PVT1: variants seen among roughly 807,000 people sequenced by gnomAD.
PVT1 encodes CXCR4/PVT1 fusion.
chr8:127,809,969 C>T (rs901892656), intron 2 of PVT1, among the ~76,000 whole-genome samples: 9 of 152,252 alleles, frequency 5.9e-5, no homozygotes, highest in African/African-American at 2.2e-4. Context: ...CAGACCCAGC[C>T]GGTGGAGACC....
intron 5 of PVT1, among the ~76,000 whole-genome samples, chr8:128,071,523 A>T (rs1309929554): frequency 1.5e-5 from 2 of 135,568 alleles, no homozygotes; most frequent in African/African-American, 2.6e-5. Flanking sequence ...CTCTATAAAA[A>T]TTTTTAAAAA....
intron 5 of PVT1, among the ~76,000 whole-genome samples, chr8:128,087,713 ACC>A (rs1814276180): frequency 6.9e-6 from 1 of 145,018 alleles, no homozygotes; most frequent in South Asian, 2.2e-4. Flanking sequence ...AATCATGGAA[ACC>A]CTCTAACTCT....
chr8:127,880,451 G>A (rs929135199), intron 2 of PVT1, among the ~76,000 whole-genome samples: 1 of 148,414 alleles, frequency 6.7e-6, no homozygotes, highest in Admixed American at 6.6e-5. Flanking sequence ...CACCACGCCC[G>A]GCTAATTTTT....
chr8:128,052,146 G>A lies in PVT1; in HGVS notation n.913-18014G>A, dbSNP rs578042500. Among the ~76,000 whole-genome samples, 576 of 152,330 alleles carry A rather than the reference G, an allele frequency of 3.8e-3. 1 individual carries two copies. Among genetic ancestry groups the A allele is most frequent in the Non-Finnish European group, 6.3e-3 (427 of 68,040 alleles). ...AGGGTCTGAGGGCAAGTTTACTGCT[G>A]GAATTCTTAAGCGGGCTGGCCTGGT... is the stretch of plus-strand genomic sequence containing the variant. On this transcript the variant is annotated intron_variant and non_coding_transcript_variant, in intron 4 of 10. Coordinates refer to ENST00000651587, the Ensembl canonical transcript of PVT1.
intron 3 of PVT1, chr8:127,947,954 C>T (rs141857638): frequency 6.6e-6 from 3 of 456,944 alleles, no homozygotes; most frequent in African/African-American, 6.0e-5. Context: ...GACAGCTTTT[C>T]TGCAGAGCCT....
At position 127,910,276 on chromosome 8, in the gene PVT1, G is replaced by C. The variant is rs542042854; in HGVS notation, n.782+19278G>C. On this transcript the variant is annotated intron_variant and non_coding_transcript_variant, in intron 3 of 10. Transcript: ENST00000651587. The stretch of plus-strand genomic sequence containing the variant: ...AGTTGTGTGCGAAAGGTACAGGGTC[G>C]TGGAAACATGCACAAGAAAGTGACA... Among the ~76,000 whole-genome samples the C allele has an allele frequency of 3.3e-5, 5 of 152,238 alleles. No individual in the cohort carries two copies. In the South Asian group the frequency reaches 1.0e-3, roughly 32 times the overall value.
rs891627457 is a variant in PVT1, at chr8:128,074,536, A to AG, written n.1114+4183dup. The stretch of plus-strand genomic sequence containing the variant: ...AGACTGTCTAAAAAAAAAAAAAAAA[A>AG]GGGGGGGGCTCCTTCCCACTCATTT... On this transcript the variant is annotated intron_variant and non_coding_transcript_variant, in intron 5 of 10. Coordinates refer to ENST00000651587, the Ensembl canonical transcript of PVT1. 1.0e-3 allele frequency among the ~76,000 whole-genome samples: 147 copies of AG among 141,852 alleles called. 5 individuals carry two copies. The highest frequency in any genetic ancestry group is 1.8e-3 in the African/African-American group (68 of 37,014). 93.1% of individuals were successfully genotyped at this position (141,852 alleles called of 152,430 possible).
intron 5 of PVT1, among the ~76,000 whole-genome samples, chr8:128,082,208 C>T (rs1326975200): frequency 6.6e-6 from 1 of 152,206 alleles, no homozygotes; most frequent in Non-Finnish European, 1.5e-5. Context: ...CTTGGTTCAA[C>T]ATCATTACTA....
intron 4 of PVT1, among the ~76,000 whole-genome samples, chr8:128,029,335 C>T (rs1356557468): frequency 6.6e-6 from 1 of 151,228 alleles, no homozygotes; most frequent in African/African-American, 2.4e-5. Context: ...ACTATGTTGC[C>T]CAGGCTGGTC....
intron 2 of PVT1, among the ~76,000 whole-genome samples, chr8:127,837,035 A>G (rs1814916949): frequency 6.6e-6 from 1 of 152,198 alleles, no homozygotes; most frequent in African/African-American, 2.4e-5. Context: ...ATTCTAGCCC[A>G]TGGGACCATA....
intron 3 of PVT1, among the ~76,000 whole-genome samples, chr8:127,922,138 T>A (rs898829556): frequency 1.1e-4 from 16 of 152,140 alleles, no homozygotes; most frequent in Admixed American, 3.9e-4. Flanking sequence ...GGATTACAGG[T>A]GTGAGCCACT....
At chr8:128,069,480 G>A (rs992477016) in intron 4 of PVT1, among the ~76,000 whole-genome samples, 2 of 152,186 alleles carry the variant, frequency 1.3e-5, no homozygotes, top group African/African-American at 2.4e-5. Flanking sequence ...AGAGCAGGAG[G>A]TGCTCCTGGG....
intron 4 of PVT1, among the ~76,000 whole-genome samples, chr8:128,054,252 A>G (rs1436845091): frequency 6.6e-6 from 1 of 152,224 alleles, no homozygotes; most frequent in Non-Finnish European, 1.5e-5. Flanking sequence ...TGCCACCAGG[A>G]AGTGCATGAT....
intron 3 of PVT1, among the ~76,000 whole-genome samples, chr8:127,913,226 C>G (rs978875145): frequency 6.6e-6 from 1 of 152,310 alleles, no homozygotes; most frequent in East Asian, 1.9e-4. Flanking sequence ...TTTCATGGTG[C>G]CTGTGCCTTC....
chr8:127,835,234 G>A (rs374456441), intron 2 of PVT1, among the ~76,000 whole-genome samples: 6 of 152,112 alleles, frequency 3.9e-5, no homozygotes, highest in African/African-American at 1.4e-4. Context: ...AAGAAAATGT[G>A]GCACATATAC....
At chr8:128,072,603 A>T (rs529848965) in intron 5 of PVT1, among the ~76,000 whole-genome samples, 50 of 152,204 alleles carry the variant, frequency 3.3e-4, no homozygotes, top group African/African-American at 1.1e-3. Flanking sequence ...CATTTTAGTC[A>T]CCGCGAGGCT....
chr8:128,048,527 G>T (rs1246099111), intron 4 of PVT1: 1 of 152,236 alleles, frequency 6.6e-6, no homozygotes, highest in South Asian at 2.1e-4. Context: ...TGTCAGTTAA[G>T]TTGGGCAGAT....
intron 3 of PVT1, among the ~76,000 whole-genome samples, chr8:127,896,036 C>G (rs1815670731): frequency 6.6e-6 from 1 of 151,964 alleles, no homozygotes; most frequent in Non-Finnish European, 1.5e-5. Flanking sequence ...GGATCATAAA[C>G]ATTGAAAAAA....
At chr8:128,061,429 G>A (rs566720169) in intron 4 of PVT1, among the ~76,000 whole-genome samples, 1 of 152,086 alleles carries the variant, frequency 6.6e-6, no homozygotes, top group Non-Finnish European at 1.5e-5. Context: ...TTTCTTTGGG[G>A]GTGGGGCTGT....
Sources: gnomAD v4.1 joint callset for allele counts (sites outside exome capture counted in the v4.1 genomes callset) on GRCh38, gnomAD v4.1.1 for gene constraint, MANE v1.5 for transcripts, NCBI Gene and HGNC (gene_info 2026-07-23, HGNC 2026-07-21) for gene names.